LPA: variants seen among roughly 807,000 people sequenced by gnomAD.
LPA encodes the protein apolipoprotein(a).
LPA carries 199 observed loss-of-function variants against 197.9 expected under a neutral mutation model. The ratio of observed to expected loss-of-function variants is 1.01; its 90% CI spans 0.90 to 1.13. The LOEUF (loss-of-function observed/expected upper bound fraction) is 1.13, where lower values mean the gene tolerates loss of function less well. LPA is among the 50% of genes most tolerant of loss of function. The probability of loss-of-function intolerance (pLI) is 0.00; values close to 1 mark genes in which losing one functional copy is unlikely to be tolerated. For missense variants in LPA, 1,853 were observed against 1,785.8 expected (o/e 1.04, Z -0.68); for synonymous variants, 715 against 639.5 (o/e 1.12, Z -1.78).
chr6:160,555,287 A>ATATTATAT (rs1412887783), intron 30 of LPA, among the ~76,000 whole-genome samples: 41 of 107,170 alleles, frequency 3.8e-4, no homozygotes, highest in African/African-American at 1.5e-3. Flanking sequence ...ATATTATATT[A>ATATTATAT]TATGTTAGTG....
At position 160,601,102 on chromosome 6, in the gene LPA, G is replaced by T; in HGVS notation, c.2946-4C>A. 6.2e-7 allele frequency: 1 copy of T among 1,613,960 alleles called. No homozygotes were observed. On this transcript the variant is annotated splice_polypyrimidine_tract_variant and splice_region_variant and intron_variant, in intron 18 of 38. Coordinates refer to ENST00000316300, the MANE Select transcript of LPA (RefSeq NM_005577.4). Reference sequence around the variant, plus strand: ...GCAGTAGTTCTTGATCAAGCCACTGGAAATTCCAAAAGAATACACATCACA... The same window carrying T: ...GCAGTAGTTCTTGATCAAGCCACTGTAAATTCCAAAAGAATACACATCACA...
chr6:160,605,829 G>C (rs1779337624), intron 17 of LPA, among the ~76,000 whole-genome samples: 1 of 152,246 alleles, frequency 6.6e-6, no homozygotes. Context: ...CCCACATCCT[G>C]AGTTGCAATA....
chr6:160,607,799 T>C (rs1779391146), intron 16 of LPA, among the ~76,000 whole-genome samples: 2 of 152,178 alleles, frequency 1.3e-5, no homozygotes, highest in African/African-American at 4.8e-5. Context: ...CCCAAACTCG[T>C]GACAAATTTC....
At chr6:160,647,241 G>A (rs959566816) in intron 2 of LPA, among the ~76,000 whole-genome samples, 47 of 152,144 alleles carry the variant, frequency 3.1e-4, no homozygotes, top group Non-Finnish European at 1.2e-4. Context: ...TGAAGAGGTC[G>A]GACAGCTATG....
At chr6:160,564,781 C>A (rs553506547) in intron 28 of LPA, among the ~76,000 whole-genome samples, 1 of 152,152 alleles carries the variant, frequency 6.6e-6, no homozygotes, top group Non-Finnish European at 1.5e-5. Context: ...CCCGGAAAAT[C>A]GGGACACTCC....
At chr6:160,650,585 C>A in intron 1 of LPA, 88 bp from the exon 2 acceptor site, 2 of 1,350,026 alleles carry the variant, frequency 1.5e-6, no homozygotes, top group Non-Finnish European at 1.1e-6. Context: ...AGGAAAAAGT[C>A]TCTGAGAATT....
At chr6:160,648,919 C>T (rs1779954844) in intron 2 of LPA, among the ~76,000 whole-genome samples, 1 of 151,958 alleles carries the variant, frequency 6.6e-6, no homozygotes, top group Non-Finnish European at 1.5e-5. Context: ...GCTGATTTTC[C>T]TCCTGCTTGT....
chr6:160,652,107 C>CAG lies in LPA; in HGVS notation c.50-1612_50-1611dup, dbSNP rs746273920. Among the ~76,000 whole-genome samples the CAG allele has an allele frequency of 2.9e-5, 4 of 136,772 alleles. No homozygotes were observed. In the South Asian group the frequency reaches 6.9e-4, roughly 24 times the overall value. The allele number at this position is 136,772 out of a possible 152,430, so 89.7% of individuals were successfully genotyped here. ...TACTTACAGTCCAAAAAGAAGAATA[C>CAG]AGAGAGAGAGAAGTGAAAAAAAAAA... On this transcript the variant is annotated intron_variant, in intron 1 of 38. Coordinates refer to ENST00000316300, the MANE Select transcript of LPA (RefSeq NM_005577.4).
intron 28 of LPA, among the ~76,000 whole-genome samples, chr6:160,576,158 C>T (rs923893348): frequency 6.6e-6 from 1 of 151,444 alleles, no homozygotes; most frequent in Admixed American, 6.6e-5. Flanking sequence ...GGCTGTTATG[C>T]TTATACCTGC....
At chr6:160,542,667 G>A (rs948522825) in intron 34 of LPA, 21 bp downstream of exon 34, 3 of 1,612,420 alleles carry the variant, frequency 1.9e-6, no homozygotes, top group Non-Finnish European at 2.5e-6. Flanking sequence ...CAGTATAGAT[G>A]GTTTCTGGGC....
chr6:160,577,769 T>C (rs1385807306), intron 27 of LPA, among the ~76,000 whole-genome samples: 1 of 152,140 alleles, frequency 6.6e-6, no homozygotes, highest in East Asian at 1.9e-4. Context: ...CATTTAGGAG[T>C]GCAGGCAAAG....
At chr6:160,654,235 A>G (rs1216467912) in intron 1 of LPA, among the ~76,000 whole-genome samples, 2 of 145,708 alleles carry the variant, frequency 1.4e-5, no homozygotes, top group Non-Finnish European at 3.0e-5. Flanking sequence ...AAGAACTTGG[A>G]GTCCGATGTT....
At chr6:160,610,486 G>T (rs1403875077) in intron 16 of LPA, among the ~76,000 whole-genome samples, 3 of 152,138 alleles carry the variant, frequency 2.0e-5, no homozygotes, top group South Asian at 2.1e-4. Context: ...AGTGCTATGT[G>T]ATCTCTATCT....
At chr6:160,534,069 C>T (rs748543925) in intron 37 of LPA, among the ~76,000 whole-genome samples, 6 of 152,004 alleles carry the variant, frequency 3.9e-5, no homozygotes, top group Admixed American at 2.0e-4. Flanking sequence ...CTTGACTGCA[C>T]TTAGATCATT....
intron 30 of LPA, among the ~76,000 whole-genome samples, chr6:160,555,731 C>A (rs1055440710): frequency 2.0e-5 from 3 of 151,816 alleles, no homozygotes; most frequent in African/African-American, 7.3e-5. Flanking sequence ...CTTTTATGAG[C>A]CTTGTAGAAT....
At chr6:160,565,345 A>G (rs897398680) in intron 28 of LPA, among the ~76,000 whole-genome samples, 2 of 152,206 alleles carry the variant, frequency 1.3e-5, no homozygotes, top group Non-Finnish European at 2.9e-5. Flanking sequence ...AGAATCAGGC[A>G]GCAACATTTG....
rs1414636286 is a variant in LPA, at chr6:160,576,688, G to GTATATA, written c.4631+447_4631+448insTATATA. On this transcript the variant is annotated intron_variant, in intron 28 of 38. Coordinates refer to ENST00000316300, the MANE Select transcript of LPA (RefSeq NM_005577.4). ...CAGATGTTTGTGTGTGTGTGTGTGT[G>GTATATA]TGTATATATATATATATATATATAT... Among the ~76,000 whole-genome samples the GTATATA allele has an allele frequency of 7.5e-3, 434 of 57,810 alleles. 2 individuals carry two copies. Among genetic ancestry groups the GTATATA allele is most frequent in the African/African-American group, 0.02 (346 of 17,202 alleles). 37.9% of individuals were successfully genotyped at this position (57,810 alleles called of 152,430 possible). A position where few individuals can be genotyped will look rare whatever the true frequency, so the allele number is the denominator to read the frequency against.
intron 16 of LPA, 85 bp downstream of exon 16, chr6:160,611,477 C>A (rs941234374): frequency 3.8e-6 from 6 of 1,573,768 alleles, no homozygotes; most frequent in Non-Finnish European, 5.2e-6. Context: ...AAGTTGAGTT[C>A]GGAGAACTCA....
At chr6:160,537,340 C>G (rs1777909910) in intron 37 of LPA, among the ~76,000 whole-genome samples, 1 of 152,146 alleles carries the variant, frequency 6.6e-6, no homozygotes, top group African/African-American at 2.4e-5. Context: ...TTCAGGTCCC[C>G]TGCCTAACAC....
Sources: gnomAD v4.1 joint callset for allele counts (sites outside exome capture counted in the v4.1 genomes callset) on GRCh38, gnomAD v4.1.1 for gene constraint, MANE v1.5 for transcripts, NCBI Gene and HGNC (gene_info 2026-07-23, HGNC 2026-07-21) for gene names.